The following PTPRD variants were observed in gnomAD, a reference collection of about 807,000 sequenced individuals.
PTPRD encodes protein tyrosine phosphatase receptor type D.
Under a neutral mutation model 214.5 loss-of-function variants are expected in PTPRD, and 34 were observed. That is an observed-to-expected ratio of 0.16 (90% CI 0.12 to 0.21). The LOEUF (loss-of-function observed/expected upper bound fraction) is 0.21. Among genes scored for constraint, PTPRD ranks in the 10% least tolerant of loss-of-function variants. The pLI is 1.00. For missense variants in PTPRD, 2,545 were observed against 2,398.7 expected (o/e 1.06, Z -1.27); for synonymous variants, 1,128 against 845.7 (o/e 1.33, Z -5.79).
chr9:9,645,371 ATT>A (rs2096120762), intron 7 of PTPRD, among the ~76,000 whole-genome samples: 2 of 151,174 alleles, frequency 1.3e-5, no homozygotes, highest in Admixed American at 6.6e-5. Flanking sequence ...TAAACTCCCA[ATT>A]TTTTTGTTTG....
At chr9:8,916,768 C>G (rs889428188) in intron 11 of PTPRD, among the ~76,000 whole-genome samples, 10 of 152,158 alleles carry the variant, frequency 6.6e-5, no homozygotes, top group African/African-American at 2.2e-4. Context: ...ATTCACAACT[C>G]ATGACTTTAC....
intron 2 of PTPRD, among the ~76,000 whole-genome samples, chr9:10,528,441 G>C (rs113312310): frequency 0.035 from 5,313 of 152,088 alleles, 123 homozygotes; most frequent in Middle Eastern, 0.078. Flanking sequence ...TATTAATGTG[G>C]AGACCACCTT....
intron 8 of PTPRD, among the ~76,000 whole-genome samples, chr9:9,400,750 G>C (rs12341269): frequency 5.6e-4 from 85 of 152,210 alleles, no homozygotes; most frequent in African/African-American, 1.5e-3. Context: ...ATGCTGGTAA[G>C]AGTGAGGAAA....
At chr9:8,432,137 A>G (rs926458853) in intron 35 of PTPRD, among the ~76,000 whole-genome samples, 6 of 152,262 alleles carry the variant, frequency 3.9e-5, no homozygotes, top group Admixed American at 3.9e-4. Flanking sequence ...TCTGATTTAA[A>G]GATTCACCAG....
intron 2 of PTPRD, among the ~76,000 whole-genome samples, chr9:10,473,623 G>A (rs890256526): frequency 6.6e-6 from 1 of 151,944 alleles, no homozygotes; most frequent in East Asian, 1.9e-4. Flanking sequence ...TTTTGAGTAG[G>A]TACATCATTT....
At chr9:10,592,109 T>A (rs538593851) in intron 2 of PTPRD, among the ~76,000 whole-genome samples, 12 of 152,202 alleles carry the variant, frequency 7.9e-5, no homozygotes, top group Admixed American at 1.3e-4. Flanking sequence ...ACTCTAGTGA[T>A]GAGTATTAAG....
chr9:9,737,942 A>G (rs2098329130), intron 6 of PTPRD, among the ~76,000 whole-genome samples: 2 of 152,168 alleles, frequency 1.3e-5, no homozygotes, highest in South Asian at 4.1e-4. Context: ...CATTTCCACT[A>G]GCAAGGCATA....
intron 5 of PTPRD, among the ~76,000 whole-genome samples, chr9:9,870,706 T>G (rs2065186753): frequency 6.6e-6 from 1 of 152,018 alleles, no homozygotes; most frequent in African/African-American, 2.4e-5. Context: ...TTCTGAAAGA[T>G]TTGAGGATGA....
rs575248869 is a variant in PTPRD at position 10,290,631 on chromosome 9, A to G, written c.-545+50332T>C. Among the ~76,000 whole-genome samples the G allele has an allele frequency of 3.3e-5, 5 of 152,244 alleles. No individual in the cohort carries two copies. In the South Asian group the frequency reaches 1.0e-3, roughly 32 times the overall value. On this transcript the variant is annotated intron_variant, in intron 3 of 45. Transcript: ENST00000381196. ...CCTGCAATAGGTTAATTTTCCTTAC[A>G]TTATTTTTATTTTTGGTTTTAATTA...
intron 12 of PTPRD, among the ~76,000 whole-genome samples, chr9:8,654,959 TG>T (rs1372690927): frequency 6.6e-6 from 1 of 152,200 alleles, no homozygotes; most frequent in Non-Finnish European, 1.5e-5. Flanking sequence ...CTAGCAAGAT[TG>T]TTTTTTTCAT....
At chr9:9,968,358 A>G (rs937759136) in intron 4 of PTPRD, among the ~76,000 whole-genome samples, 6 of 152,232 alleles carry the variant, frequency 3.9e-5, no homozygotes, top group Non-Finnish European at 5.9e-5. Flanking sequence ...CTGTCTTATT[A>G]AGAAACATAT....
At position 10,301,472 on chromosome 9, in the gene PTPRD, G is replaced by A. The variant is rs542219666; in HGVS notation, c.-545+39491C>T. 3.3e-5 allele frequency among the ~76,000 whole-genome samples: 5 copies of A among 152,238 alleles called. No homozygotes were observed. In the East Asian group the frequency reaches 9.7e-4, roughly 29 times the overall value. On this transcript the variant is annotated intron_variant, in intron 3 of 45. Transcript: ENST00000381196. ...AAGGTGGGTAATAACAAACTCCTCC[G>A]AGCTAAAGAGGCATGTTCTAACCCT...
chr9:8,767,990 G>A (rs963555657), intron 11 of PTPRD, among the ~76,000 whole-genome samples: 5 of 152,168 alleles, frequency 3.3e-5, no homozygotes, highest in Admixed American at 2.0e-4. Flanking sequence ...AATATACTAC[G>A]GTAATTAAAA....
chr9:10,236,255 A>T (rs1300617309), intron 3 of PTPRD, among the ~76,000 whole-genome samples: 2 of 151,940 alleles, frequency 1.3e-5, no homozygotes, highest in Non-Finnish European at 2.9e-5. Flanking sequence ...TACAGATTTA[A>T]TTGGCAAATG....
chr9:8,588,656 T>C (rs968695979), intron 14 of PTPRD, among the ~76,000 whole-genome samples: 3 of 152,188 alleles, frequency 2.0e-5, no homozygotes, highest in Non-Finnish European at 4.4e-5. Context: ...CACAGGCATG[T>C]GTACACCTGT....
At chr9:9,230,643 G>A (rs1397111965) in intron 9 of PTPRD, among the ~76,000 whole-genome samples, 1 of 152,068 alleles carries the variant, frequency 6.6e-6, no homozygotes, top group Non-Finnish European at 1.5e-5. Flanking sequence ...TGAATGCTAG[G>A]ACACCCAGCT....
chr9:9,972,912 T>C (rs192305489), intron 4 of PTPRD, among the ~76,000 whole-genome samples: 2 of 152,286 alleles, frequency 1.3e-5, no homozygotes, highest in East Asian at 3.9e-4. Context: ...CTTAATTAAT[T>C]ACATCTGCAG....
At chr9:8,501,171 CA>C (rs1336009298) in intron 23 of PTPRD, 112 bp from the exon 24 acceptor site, 4 of 785,602 alleles carry the variant, frequency 5.1e-6, no homozygotes, top group Non-Finnish European at 7.9e-6. Context: ...ACAATAAGGA[CA>C]AAATGAAAAT....
intron 14 of PTPRD, among the ~76,000 whole-genome samples, chr9:8,623,012 G>A (rs1041205426): frequency 1.3e-5 from 2 of 151,708 alleles, no homozygotes; most frequent in African/African-American, 4.8e-5. Context: ...AATTAGCTGG[G>A]CAAGATGACT....
Sources: allele counts gnomAD v4.1 joint callset (sites outside exome capture counted in the v4.1 genomes callset), GRCh38; gene constraint gnomAD v4.1.1; transcripts MANE v1.5; gene names NCBI Gene and HGNC (gene_info 2026-07-23, HGNC 2026-07-21).